ARHGEF4: variants seen among roughly 807,000 people sequenced by gnomAD.
ARHGEF4 encodes APC-stimulated guanine nucleotide exchange factor 1.
In ARHGEF4, 119 loss-of-function variants were observed where a neutral mutation model predicts 162.0. The observed-to-expected ratio is 0.73, with a 90% CI of 0.63 to 0.86. The LOEUF (loss-of-function observed/expected upper bound fraction) is 0.86. Ranked by LOEUF, ARHGEF4 falls within the 40% of genes least tolerant of loss-of-function variation. ARHGEF4 has a pLI of 0.00. For missense variants in ARHGEF4, 2,488 were observed against 2,456.0 expected (o/e 1.01, Z -0.28); for synonymous variants, 1,014 against 979.9 (o/e 1.03, Z -0.65).
At chr2:130,950,119 G>T (rs891538636) in intron 4 of ARHGEF4, among the ~76,000 whole-genome samples, 1 of 152,238 alleles carries the variant, frequency 6.6e-6, no homozygotes, top group Non-Finnish European at 1.5e-5. Context: ...AGGAGGATGA[G>T]GAAGGCAAGG....
chr2:130,947,015 G>A (rs1683665359), intron 4 of ARHGEF4: 1 of 182,186 alleles, frequency 5.5e-6, no homozygotes, highest in Non-Finnish European at 1.2e-5. Flanking sequence ...CGGATCATAT[G>A]AGGTCGGGAG....
chr2:131,022,043 A>C (rs1421753278), intron 4 of ARHGEF4, among the ~76,000 whole-genome samples: 1 of 152,156 alleles, frequency 6.6e-6, no homozygotes, highest in Admixed American at 6.5e-5. Flanking sequence ...ATGCTGCTGA[A>C]TTCCATTTCC....
intron 4 of ARHGEF4, chr2:131,011,845 G>C: frequency 1.4e-6 from 1 of 717,030 alleles, no homozygotes; most frequent in Non-Finnish European, 2.5e-6. Context: ...CCAGCTGGAG[G>C]TTCTTGTGTC....
rs1285681480 is a variant in ARHGEF4 at position 130,915,594 on chromosome 2, T to C, written c.1648T>C (p.Ser550Pro). ...GGGCTGCTTGGAAGTGAGTGACAGTTCAGATGCCCCTGAGACCACCCAGAA... is the reference window on the plus strand; with the variant it reads ...GGGCTGCTTGGAAGTGAGTGACAGTCCAGATGCCCCTGAGACCACCCAGAA... The part of the protein sequence containing the change: ...LMGCLEVSDS[S>P]DAPETTQKSS... The change falls in exon 2 of 14, where the codon TCA (serine) becomes CCA (proline). Residue 550 changes from serine to proline, a missense_variant. By Grantham distance (74) the Ser-to-Pro change is moderately conservative. Coordinates refer to ENST00000409359, the MANE Select transcript of ARHGEF4 (RefSeq NM_001367493.1). 7 of 1,550,262 alleles carry C rather than the reference T, an allele frequency of 4.5e-6. No homozygotes were observed.
chr2:130,943,722 A>G (rs1276227597), intron 3 of ARHGEF4, among the ~76,000 whole-genome samples: 1 of 152,160 alleles, frequency 6.6e-6, no homozygotes, highest in African/African-American at 2.4e-5. Flanking sequence ...AGGTTCCTTT[A>G]ACCTCCTCCT....
rs370678024 is a variant in ARHGEF4 at position 130,880,823 on chromosome 2, C to T, written c.40-33163C>T. Among the ~76,000 whole-genome samples the T allele has an allele frequency of 2.6e-4, 39 of 151,822 alleles. No individual in the cohort carries two copies. The South Asian group carries it at 7.5e-3, about 29-fold the overall frequency. ...GTGCTGGGATTACAGGTGTGAGCACCCGGCCAAATTTTTTTTTTTTTTTTA... is the reference window on the plus strand; with the variant it reads ...GTGCTGGGATTACAGGTGTGAGCACTCGGCCAAATTTTTTTTTTTTTTTTA... On this transcript the variant is annotated intron_variant, in intron 1 of 13. Coordinates refer to ENST00000409359, the MANE Select transcript of ARHGEF4 (RefSeq NM_001367493.1).
chr2:130,926,306 G>C (rs978478044), intron 2 of ARHGEF4, among the ~76,000 whole-genome samples: 1 of 151,878 alleles, frequency 6.6e-6, no homozygotes, highest in South Asian at 2.1e-4. Flanking sequence ...TTTGTTTCAT[G>C]AGTATTTGTA....
chr2:130,961,374 G>C (rs1204335618), intron 4 of ARHGEF4, among the ~76,000 whole-genome samples: 1 of 152,194 alleles, frequency 6.6e-6, no homozygotes, highest in Non-Finnish European at 1.5e-5. Flanking sequence ...GACCAAGAAG[G>C]AGCCAAGCCA....
At chr2:130,880,761 C>G (rs1679134857) in intron 1 of ARHGEF4, among the ~76,000 whole-genome samples, 1 of 152,104 alleles carries the variant, frequency 6.6e-6, no homozygotes, top group African/African-American at 2.4e-5. Flanking sequence ...TCTTGAACTC[C>G]TGGGCTTAAG....
At chr2:131,011,855 C>A in intron 4 of ARHGEF4, 1 of 711,228 alleles carries the variant, frequency 1.4e-6, no homozygotes, top group South Asian at 1.5e-5. Flanking sequence ...GTTCTTGTGT[C>A]ACTCCGTGAA....
rs58930508 is a variant in ARHGEF4, at chr2:131,028,148, C to T, written c.4125+64C>T. ...TGGGGCTACAGGCTAGATTCCAGCACGCTAATGCAGGCCAGATGCCCACAG... is the reference window on the plus strand; with the variant it reads ...TGGGGCTACAGGCTAGATTCCAGCATGCTAATGCAGGCCAGATGCCCACAG... On this transcript the variant is annotated intron_variant, in intron 5 of 13. Transcript: ENST00000409359. 5,136 of 1,585,076 alleles carry T rather than the reference C, an allele frequency of 3.2e-3. 139 individuals carry two copies. The African/African-American group carries it at 0.059, about 18-fold the overall frequency.
At chr2:130,928,185 C>T (rs1682410375) in intron 2 of ARHGEF4, among the ~76,000 whole-genome samples, 1 of 152,114 alleles carries the variant, frequency 6.6e-6, no homozygotes, top group Non-Finnish European at 1.5e-5. Context: ...AGCTAATTGG[C>T]TAGTGTGCTT....
At chr2:131,038,703 C>T (rs1690503902) in intron 5 of ARHGEF4, 150 bp from the exon 6 acceptor site, 5 of 803,716 alleles carry the variant, frequency 6.2e-6, no homozygotes, top group Admixed American at 3.0e-5. Context: ...CCCAGGAAAG[C>T]CCTGCTCCTG....
In ARHGEF4 at chr2:131,030,146, T is replaced by C. The variant is rs558142493; in HGVS notation, c.4125+2062T>C. ...GGTGGGGGTTCCATGGCTGGCCTTA[T>C]GGCTGCGTTGATCTTGTGTCTGCAT... On this transcript the variant is annotated intron_variant, in intron 5 of 13. Transcript: ENST00000409359. 3.9e-5 allele frequency among the ~76,000 whole-genome samples: 6 copies of C among 152,350 alleles called. No homozygotes were observed. In the East Asian group the frequency reaches 1.2e-3, roughly 29 times the overall value.
intron 1 of ARHGEF4, among the ~76,000 whole-genome samples, chr2:130,855,051 T>TA (rs1266869397): frequency 6.6e-6 from 1 of 151,576 alleles, no homozygotes; most frequent in Non-Finnish European, 1.5e-5. Context: ...TTTTTTTTTT[T>TA]GTATTTTTAG....
chr2:130,864,232 C>T (rs1230425932), intron 1 of ARHGEF4, among the ~76,000 whole-genome samples: 2 of 151,708 alleles, frequency 1.3e-5, no homozygotes, highest in Non-Finnish European at 2.9e-5. Context: ...GTTACTGACA[C>T]ATTCAGCAAC....
chr2:130,932,191 G>A (rs191502178), intron 3 of ARHGEF4, among the ~76,000 whole-genome samples: 113 of 152,188 alleles, frequency 7.4e-4, no homozygotes, highest in Admixed American at 2.1e-3. Context: ...TTCACTTAGC[G>A]TCGTGTTTTA....
At chr2:130,867,936 C>CT (rs1156618796) in intron 1 of ARHGEF4, among the ~76,000 whole-genome samples, 9,049 of 119,828 alleles carry the variant, frequency 0.076, 604 homozygotes, top group African/African-American at 0.17. Flanking sequence ...TTTTTTTTTT[C>CT]TTTTTTTTTT....
chr2:130,876,570 T>A (rs934376613), intron 1 of ARHGEF4, among the ~76,000 whole-genome samples: 3 of 152,120 alleles, frequency 2.0e-5, no homozygotes, highest in African/African-American at 7.2e-5. Flanking sequence ...TTTTTTGTAT[T>A]TTTAGTAGAG....
Sources: allele counts gnomAD v4.1 joint callset (sites outside exome capture counted in the v4.1 genomes callset), GRCh38; gene constraint gnomAD v4.1.1; transcripts MANE v1.5; gene names NCBI Gene and HGNC (gene_info 2026-07-23, HGNC 2026-07-21).